Variants in SOX6 observed in about 807,000 individuals in gnomAD.
SOX6 encodes the protein transcription factor SOX-6.
SOX6 carries 11 observed loss-of-function variants against 97.8 expected under a neutral mutation model. The ratio of observed to expected loss-of-function variants is 0.11; its 90% confidence interval spans 0.07 to 0.19. The LOEUF (loss-of-function observed/expected upper bound fraction) is 0.19, where lower values mean the gene tolerates loss of function less well. Ranked by LOEUF, SOX6 falls within the 10% of genes least tolerant of loss-of-function variation. SOX6 has a pLI of 1.00. For synonymous variants in SOX6, 360 were observed against 371.4 expected, an observed-to-expected ratio of 0.97 and a Z score of 0.35; for missense variants, 810 against 1,039.5, an observed-to-expected ratio of 0.78 and a Z score of 3.04.
intron 6 of SOX6, among the ~76,000 whole-genome samples, chr11:16,118,195 T>C (rs1451365321): frequency 6.6e-6 from 1 of 152,198 alleles, no homozygotes; most frequent in South Asian, 2.1e-4. Flanking sequence ...GGAAACCCCA[T>C]CACGGGTGAA....
rs4031660 is a variant in SOX6 at position 16,240,275 on chromosome 11, A to AGTGTGTGTGTGTGT, written c.446-5618_446-5605dup. Among the ~76,000 whole-genome samples, 217 of 129,146 alleles carry AGTGTGTGTGTGTGT rather than the reference A, an allele frequency of 1.7e-3. 1 individual carries two copies. Among genetic ancestry groups the AGTGTGTGTGTGTGT allele is most frequent in the African/African-American group, 5.2e-3 (176 of 33,528 alleles). The allele number at this position is 129,146 out of a possible 152,430, so 84.7% of individuals were successfully genotyped here. A position where few individuals can be genotyped will look rare whatever the true frequency, so the allele number is the denominator to read the frequency against. ...CCAAAACCACTTTACTAGATAATAT[A>AGTGTGTGTGTGTGT]GTGTGTGTGTGTGTGTGTGTGTGTG... On this transcript the variant is annotated intron_variant, in intron 3 of 15. Coordinates refer to ENST00000683767, the MANE Select transcript of SOX6 (RefSeq NM_001367873.1).
rs539012541 is a variant in SOX6, at chr11:16,537,579, A to T, written n.610-61191T>A. Among the ~76,000 whole-genome samples the T allele has an allele frequency of 2.0e-5, 3 of 152,332 alleles. No individual in the cohort carries two copies. In the South Asian group the frequency reaches 6.2e-4, roughly 32 times the overall value. Reference sequence around the variant, plus strand: ...TCGCAAGGAAGCTAAAAACCTTGAAAAAAGGTTAGATGAATGGCTACATAG... The same window carrying T: ...TCGCAAGGAAGCTAAAAACCTTGAATAAAGGTTAGATGAATGGCTACATAG... On this transcript the variant is annotated intron_variant and non_coding_transcript_variant, in intron 4 of 5. Coordinates refer to the SOX6 transcript ENST00000524520.
At chr11:16,096,144 A>T (rs545542378) in intron 8 of SOX6, 26 bp from the exon 9 acceptor site, 1 of 1,609,874 alleles carries the variant, frequency 6.2e-7, no homozygotes, top group African/African-American at 1.3e-5. Context: ...TTCAGAAAAA[A>T]AAAAAAAGAC....
intron 1 of SOX6, among the ~76,000 whole-genome samples, chr11:16,407,900 C>G (rs1274722705): frequency 6.6e-6 from 1 of 152,120 alleles, no homozygotes. Flanking sequence ...AAATAAATAA[C>G]ATAATAAAAT....
At chr11:16,182,690 CA>C (rs947938591) in intron 6 of SOX6, among the ~76,000 whole-genome samples, 1 of 151,768 alleles carries the variant, frequency 6.6e-6, no homozygotes, top group African/African-American at 2.4e-5. Flanking sequence ...CAAAAACCAA[CA>C]AAAAAGTTGG....
At chr11:16,053,118 C>T (rs1443854013) in intron 10 of SOX6, among the ~76,000 whole-genome samples, 1 of 152,162 alleles carries the variant, frequency 6.6e-6, no homozygotes, top group African/African-American at 2.4e-5. Context: ...TGAACTCTGT[C>T]TCTCTACTCA....
intron 4 of SOX6, among the ~76,000 whole-genome samples, chr11:16,224,690 C>T (rs971972602): frequency 1.3e-5 from 2 of 151,896 alleles, no homozygotes; most frequent in African/African-American, 4.8e-5. Context: ...AATGTATATA[C>T]ATATTTATAA....
intron 6 of SOX6, 81 bp from the exon 7 acceptor site, chr11:16,112,004 T>G: frequency 6.4e-7 from 1 of 1,571,922 alleles, no homozygotes; most frequent in Non-Finnish European, 8.7e-7. Context: ...CCTGGTGGTG[T>G]GCTGGTACCC....
intron 3 of SOX6, among the ~76,000 whole-genome samples, chr11:16,647,313 G>A (rs1849029726): frequency 6.6e-6 from 1 of 151,928 alleles, no homozygotes; most frequent in African/African-American, 2.4e-5. Flanking sequence ...TAATTTGAAT[G>A]CTATAGATAG....
chr11:16,655,215 T>A (rs1847705681), intron 3 of SOX6, among the ~76,000 whole-genome samples: 1 of 151,906 alleles, frequency 6.6e-6, no homozygotes, highest in Non-Finnish European at 1.5e-5. Flanking sequence ...GTGAAAGGAC[T>A]GACGTTTGGT....
intron 2 of SOX6, among the ~76,000 whole-genome samples, chr11:16,333,128 G>A (rs1016261856): frequency 5.3e-5 from 8 of 152,082 alleles, no homozygotes; most frequent in Admixed American, 3.9e-4. Flanking sequence ...TTTATGGAAA[G>A]CAACCCTTTC....
At chr11:16,688,608 G>A (rs112602838) in intron 3 of SOX6, among the ~76,000 whole-genome samples, 6 of 151,916 alleles carry the variant, frequency 3.9e-5, no homozygotes, top group East Asian at 3.9e-4. Context: ...CATCTCTAAC[G>A]GTTTGATTTG....
chr11:16,362,240 G>A (rs770644287), intron 1 of SOX6, among the ~76,000 whole-genome samples: 19 of 152,232 alleles, frequency 1.2e-4, no homozygotes, highest in South Asian at 6.2e-4. Context: ...TTGGAATGAC[G>A]GGTTTCATCT....
At chr11:16,682,193 C>T (rs1404014067) in intron 3 of SOX6, among the ~76,000 whole-genome samples, 2 of 152,216 alleles carry the variant, frequency 1.3e-5, no homozygotes, top group Non-Finnish European at 2.9e-5. Flanking sequence ...CCCTGATGAA[C>T]ATTGGTGTGA....
chr11:16,603,961 G>A (rs1305116846), intron 4 of SOX6, among the ~76,000 whole-genome samples: 1 of 152,254 alleles, frequency 6.6e-6, no homozygotes, highest in Non-Finnish European at 1.5e-5. Context: ...GGTCGGCCAA[G>A]CCCGTGCCTG....
intron 2 of SOX6, among the ~76,000 whole-genome samples, chr11:16,731,507 T>A (rs545944369): frequency 1.6e-4 from 24 of 152,294 alleles, no homozygotes; most frequent in African/African-American, 5.5e-4. Context: ...TGTGATTATC[T>A]CAATAGATGC....
chr11:16,342,177 G>A (rs1051885168), intron 1 of SOX6, among the ~76,000 whole-genome samples: 2 of 151,812 alleles, frequency 1.3e-5, no homozygotes, highest in African/African-American at 4.8e-5. Flanking sequence ...TATAAAATCA[G>A]AAAACCATGA....
intron 4 of SOX6, among the ~76,000 whole-genome samples, chr11:16,570,518 CATAA>C (rs1398319998): frequency 6.6e-6 from 1 of 152,128 alleles, no homozygotes; most frequent in Non-Finnish European, 1.5e-5. Context: ...AATTTTCAAA[CATAA>C]ATAAACACAC....
chr11:16,310,268 G>C (rs1475678976), intron 3 of SOX6, among the ~76,000 whole-genome samples: 1 of 151,878 alleles, frequency 6.6e-6, no homozygotes, highest in Non-Finnish European at 1.5e-5. Context: ...CAGAATTCTG[G>C]CTCATTTTAA....
Sources: gnomAD v4.1 joint callset for allele counts (sites outside exome capture counted in the v4.1 genomes callset) on GRCh38, gnomAD v4.1.1 for gene constraint, MANE v1.5 for transcripts, NCBI Gene and HGNC (gene_info 2026-07-23, HGNC 2026-07-21) for gene names.